Variants in HK2 observed in about 807,000 individuals in gnomAD.
HK2 encodes hexokinase-2.
A neutral mutation model predicts 92.9 loss-of-function variants in HK2; 42 were observed. The observed-to-expected ratio is 0.45, with a 90% CI of 0.35 to 0.58. The LOEUF (loss-of-function observed/expected upper bound fraction) is 0.58. Ranked by LOEUF, HK2 falls within the 20% of genes least tolerant of loss-of-function variation. HK2 has a pLI of 0.00. For synonymous variants in HK2, 422 were observed against 468.0 expected, an observed-to-expected ratio of 0.90 and a Z score of 1.27; for missense variants, 978 against 1,245.1, an observed-to-expected ratio of 0.79 and a Z score of 3.23.
At chr2:74,878,102 G>A (rs28363024) in intron 8 of HK2, among the ~76,000 whole-genome samples, 64 of 152,196 alleles carry the variant, frequency 4.2e-4, no homozygotes, top group Non-Finnish European at 8.7e-4. Flanking sequence ...TAGTTCCCTT[G>A]AGAAGGGTGC....
At chr2:74,884,377 CCCCAGCTGTGTTT>C (rs1438805698) in intron 12 of HK2, among the ~76,000 whole-genome samples, 2 of 152,204 alleles carry the variant, frequency 1.3e-5, no homozygotes, top group South Asian at 4.1e-4. Flanking sequence ...GCTCTGTGGC[CCCCAGCTGTGTTT>C]CCCAGCTGTT....
intron 2 of HK2, among the ~76,000 whole-genome samples, chr2:74,860,150 C>G (rs1016525793): frequency 1.5e-4 from 19 of 128,646 alleles, no homozygotes; most frequent in Non-Finnish European, 1.6e-4. Context: ...AATGATAGAC[C>G]ATGGAGACTT....
At chr2:74,887,356 G>A (rs1287608425) in intron 15 of HK2, among the ~76,000 whole-genome samples, 1 of 150,252 alleles carries the variant, frequency 6.7e-6, no homozygotes, top group African/African-American at 2.5e-5. Flanking sequence ...TAGGGACCTC[G>A]TTTTTTTTTC....
chr2:74,859,233 T>C (rs767085255), intron 2 of HK2, among the ~76,000 whole-genome samples: 1 of 152,230 alleles, frequency 6.6e-6, no homozygotes, highest in Non-Finnish European at 1.5e-5. Flanking sequence ...TGAGAAAGTA[T>C]AGTAAATACT....
intron 9 of HK2, 110 bp downstream of exon 9, chr2:74,879,031 T>C (rs1244562198): frequency 2.2e-6 from 2 of 912,000 alleles, no homozygotes; most frequent in Non-Finnish European, 3.5e-6. Context: ...GGAGGGACCA[T>C]AGAGCTGAGG....
At chr2:74,870,686 G>A (rs560422825) in intron 3 of HK2, among the ~76,000 whole-genome samples, 3 of 151,302 alleles carry the variant, frequency 2.0e-5, no homozygotes, top group East Asian at 3.9e-4. Flanking sequence ...TCACCTTCCC[G>A]ACAGAACAGA....
At chr2:74,847,714 A>G (rs1688475216) in intron 1 of HK2, among the ~76,000 whole-genome samples, 1 of 106,686 alleles carries the variant, frequency 9.4e-6, no homozygotes, top group Non-Finnish European at 2.2e-5. Flanking sequence ...CTAAAGTTAA[A>G]CAAACTTGAC....
rs1689671521 is a variant in HK2 at position 74,891,301 on chromosome 2, T to C, written c.*360T>C. 3.0e-6 allele frequency: 1 copy of C among 331,268 alleles called. No individual in the cohort carries two copies. Among genetic ancestry groups the C allele is most frequent in the African/African-American group, 2.1e-5 (1 of 46,594 alleles). The allele number at this position is 331,268 out of a possible 1,614,324, so 20.5% of individuals were successfully genotyped here. ...GATACGGTTGCTTCACCTTGGAGCC[T>C]GAACATGACATTTCTAAGTGGGGTG... is the stretch of plus-strand genomic sequence containing the variant. On this transcript the variant is annotated 3_prime_UTR_variant, in exon 18 of 18. Coordinates refer to ENST00000290573, the MANE Select transcript of HK2 (RefSeq NM_000189.5).
chr2:74,891,181 G>C lies in HK2; in HGVS notation c.*240G>C, dbSNP rs893648443. On this transcript the variant is annotated 3_prime_UTR_variant, in exon 18 of 18. Coordinates refer to ENST00000290573, the MANE Select transcript of HK2 (RefSeq NM_000189.5). ...CACATGCATCATAACCATTCCCATTGGTTCTCCTAAAACATGAAAATTATC... is the reference window on the plus strand; with the variant it reads ...CACATGCATCATAACCATTCCCATTCGTTCTCCTAAAACATGAAAATTATC... 5.4e-5 allele frequency: 29 copies of C among 541,014 alleles called. No homozygotes were observed. The highest frequency in any genetic ancestry group is 5.3e-4 in the African/African-American group (28 of 52,522). The allele number at this position is 541,014 out of a possible 1,614,324, so 33.5% of individuals were successfully genotyped here.
Position 74,834,420 on chromosome 2 carries a change from G to A in HK2, c.-161G>A. ...CGGAGACCCGCGCCCTCCGCCAGCC[G>A]GGCGCACCCTCGCCGGTAGCCTTCT... On this transcript the variant is annotated 5_prime_UTR_variant, in exon 1 of 18. Transcript: ENST00000290573. The surrounding 1 kb of genome is among the most constrained non-coding windows in gnomAD (Gnocchi z 4.2). The A allele has an allele frequency of 1.4e-6, 1 of 718,874 alleles. No individual in the cohort carries two copies. The highest frequency in any genetic ancestry group is 2.5e-6 in the Non-Finnish European group (1 of 407,056). 44.5% of individuals were successfully genotyped at this position (718,874 alleles called of 1,614,324 possible). A position where few individuals can be genotyped will look rare whatever the true frequency, so the allele number is the denominator to read the frequency against.
chr2:74,889,653 C>G (rs996845851), intron 17 of HK2, among the ~76,000 whole-genome samples, 175 bp downstream of exon 17: 1 of 152,112 alleles, frequency 6.6e-6, no homozygotes, highest in Admixed American at 6.5e-5. Flanking sequence ...CTGTGTTTCA[C>G]CCCCCACCGT....
chr2:74,880,293 C>CG lies in HK2; in HGVS notation c.1296dup (p.Arg433AlafsTer50). On this transcript the variant is annotated frameshift_variant, in exon 10 of 18. Transcript: ENST00000290573. LOFTEE classifies it high-confidence loss of function. ...TGCCAAGCGTCTACATAAGACCGTG[C>CG]GGCGGCTGGTGCCCGGCTGCGATGT... 1.9e-6 allele frequency: 3 copies of CG among 1,614,168 alleles called. No homozygotes were observed. Among genetic ancestry groups the CG allele is most frequent in the Non-Finnish European group, 2.5e-6 (3 of 1,180,042 alleles).
chr2:74,858,328 C>T (rs1039540730), intron 2 of HK2, among the ~76,000 whole-genome samples: 9 of 152,158 alleles, frequency 5.9e-5, no homozygotes, highest in Admixed American at 1.3e-4. Flanking sequence ...CATTTCCTTT[C>T]TTGCTGGCAC....
intron 1 of HK2, among the ~76,000 whole-genome samples, chr2:74,849,225 A>G (rs1343725527): frequency 6.6e-6 from 1 of 152,180 alleles, no homozygotes; most frequent in Admixed American, 6.5e-5. Context: ...CCTAGAGAGT[A>G]TGGGGTTAAT....
intron 13 of HK2, among the ~76,000 whole-genome samples, 159 bp from the exon 14 acceptor site, chr2:74,886,135 C>T (rs1689528750): frequency 6.6e-6 from 1 of 151,942 alleles, no homozygotes. Flanking sequence ...GAGGGTCTCA[C>T]CAAAGAGGTG....
chr2:74,876,284 G>A (rs555586529), intron 7 of HK2, among the ~76,000 whole-genome samples: 1 of 152,254 alleles, frequency 6.6e-6, no homozygotes, highest in East Asian at 1.9e-4. Context: ...TCTCAGTCCT[G>A]GGCCTCCTCC....
intron 1 of HK2, among the ~76,000 whole-genome samples, chr2:74,841,248 G>A (rs1418716138): frequency 2.0e-5 from 3 of 151,234 alleles, no homozygotes; most frequent in Non-Finnish European, 4.4e-5. Flanking sequence ...GACATTTTTG[G>A]TTGTCACAAA....
intron 7 of HK2, 125 bp from the exon 8 acceptor site, chr2:74,877,041 G>C (rs954109899): frequency 1.5e-6 from 2 of 1,298,754 alleles, no homozygotes; most frequent in Non-Finnish European, 2.2e-6. Flanking sequence ...TCTTACTCCT[G>C]GGCCGTGCTG....
chr2:74,872,965 A>T (rs201992297), intron 4 of HK2, among the ~76,000 whole-genome samples: 2 of 152,354 alleles, frequency 1.3e-5, no homozygotes, highest in Admixed American at 6.5e-5. Flanking sequence ...GCTATAGGCA[A>T]TTGTAACACA....
Sources: gnomAD v4.1 joint callset for allele counts (sites outside exome capture counted in the v4.1 genomes callset) on GRCh38, gnomAD v4.1.1 for gene constraint, Gnocchi (gnomAD v3.1) non-coding constraint, MANE v1.5 for transcripts, NCBI Gene and HGNC (gene_info 2026-07-23, HGNC 2026-07-21) for gene names.